Variants in METTL24 observed in about 807,000 individuals in gnomAD.
METTL24 encodes probable methyltransferase-like protein 24.
In METTL24, 29 loss-of-function variants were observed where a neutral mutation model predicts 32.7. The ratio of observed to expected loss-of-function variants is 0.89; its 90% CI spans 0.66 to 1.21. METTL24 has a LOEUF of 1.21. Among genes scored for constraint, METTL24 ranks in the 50% most tolerant of loss-of-function variants. The probability of loss-of-function intolerance (pLI) is 0.00; values close to 1 mark genes in which losing one functional copy is unlikely to be tolerated. For synonymous variants in METTL24, 163 were observed against 179.5 expected (o/e 0.91, Z 0.73); for missense variants, 439 against 468.1 (o/e 0.94, Z 0.57).
At chr6:110,287,295 T>C (rs1771240467) in intron 4 of METTL24, among the ~76,000 whole-genome samples, 1 of 152,206 alleles carries the variant, frequency 6.6e-6, no homozygotes, top group South Asian at 2.1e-4. Context: ...AGATGGCTTG[T>C]CCTTAGGGTC....
At chr6:110,266,111 C>T (rs2114704826) in intron 4 of METTL24, among the ~76,000 whole-genome samples, 1 of 152,096 alleles carries the variant, frequency 6.6e-6, no homozygotes, top group Admixed American at 6.6e-5. Context: ...TATTATATTA[C>T]CCAAGCTGGT....
chr6:110,351,002 G>A (rs1004329672), intron 1 of METTL24, among the ~76,000 whole-genome samples: 3 of 151,964 alleles, frequency 2.0e-5, no homozygotes, highest in African/African-American at 7.3e-5. Context: ...CAGCTACTTG[G>A]GAGGCTGAGG....
intron 4 of METTL24, among the ~76,000 whole-genome samples, chr6:110,262,772 T>A (rs1186720007): frequency 6.6e-6 from 1 of 152,180 alleles, no homozygotes; most frequent in Non-Finnish European, 1.5e-5. Context: ...TTATCCACCA[T>A]GATCAAGTGG....
At chr6:110,331,923 C>T (rs1305566133) in intron 1 of METTL24, among the ~76,000 whole-genome samples, 1 of 152,142 alleles carries the variant, frequency 6.6e-6, no homozygotes, top group Non-Finnish European at 1.5e-5. Flanking sequence ...GCCAGCCCGT[C>T]CCATAGGAGC....
In METTL24 at chr6:110,306,869, G is replaced by A. The variant is rs111476382; in HGVS notation, c.558-7719C>T. Among the ~76,000 whole-genome samples, 704 of 152,262 alleles carry A rather than the reference G, an allele frequency of 4.6e-3. 9 individuals carry two copies. Among genetic ancestry groups the A allele is most frequent in the African/African-American group, 0.016 (685 of 41,544 alleles). ...GCACGTGCTCTCTATATGCCACCTC[G>A]TTGCTGATGAGCACAGGACACAGGA... is the stretch of plus-strand genomic sequence containing the variant. On this transcript the variant is annotated intron_variant, in intron 3 of 4. Transcript: ENST00000338882.
chr6:110,342,955 G>A (rs755197248), intron 1 of METTL24, among the ~76,000 whole-genome samples: 10 of 152,186 alleles, frequency 6.6e-5, no homozygotes, highest in Non-Finnish European at 1.3e-4. Context: ...TTCGTCAGCT[G>A]ATAGACATTT....
In METTL24 at chr6:110,290,320, A is replaced by T. The variant is rs559177143; in HGVS notation, c.786+8602T>A. 2.6e-5 allele frequency among the ~76,000 whole-genome samples: 4 copies of T among 152,356 alleles called. No homozygotes were observed. In the East Asian group the frequency reaches 7.7e-4, roughly 29 times the overall value. On this transcript the variant is annotated intron_variant, in intron 4 of 4. Transcript: ENST00000338882. ...CAAAAAGTTCCTTTGTGATCTTTTC[A>T]ATAAATCTCCAACTCTGCTCCCTCA...
chr6:110,279,453 C>A (rs1199010617), intron 4 of METTL24, among the ~76,000 whole-genome samples: 1 of 152,132 alleles, frequency 6.6e-6, no homozygotes, highest in African/African-American at 2.4e-5. Context: ...GGTACGAACT[C>A]TCTTGAGGGT....
At chr6:110,299,637 T>G (rs955018866) in intron 3 of METTL24, among the ~76,000 whole-genome samples, 6 of 152,192 alleles carry the variant, frequency 3.9e-5, no homozygotes, top group African/African-American at 1.4e-4. Context: ...AAATGTAATA[T>G]ATTTTTAAAT....
intron 1 of METTL24, among the ~76,000 whole-genome samples, chr6:110,324,023 G>A (rs1200336947): frequency 2.6e-5 from 4 of 152,144 alleles, no homozygotes; most frequent in Non-Finnish European, 5.9e-5. Context: ...AGATGCTTTA[G>A]TACAAATGTG....
At chr6:110,300,679 C>T (rs1255410364) in intron 3 of METTL24, among the ~76,000 whole-genome samples, 2 of 151,996 alleles carry the variant, frequency 1.3e-5, no homozygotes, top group East Asian at 3.9e-4. Context: ...CGTTGGCCTC[C>T]CAAAGTACTG....
At chr6:110,260,112 G>A (rs1218111426) in intron 4 of METTL24, among the ~76,000 whole-genome samples, 5 of 152,204 alleles carry the variant, frequency 3.3e-5, no homozygotes, top group Admixed American at 1.3e-4. Flanking sequence ...AAAGCTGGAC[G>A]GAGAATGACT....
intron 3 of METTL24, among the ~76,000 whole-genome samples, chr6:110,304,526 C>A (rs985984237): frequency 1.3e-5 from 2 of 152,042 alleles, no homozygotes; most frequent in African/African-American, 4.8e-5. Context: ...GAACCATACA[C>A]AAATATCAAT....
chr6:110,338,728 C>T (rs900243806), intron 1 of METTL24, among the ~76,000 whole-genome samples: 11 of 152,068 alleles, frequency 7.2e-5, no homozygotes, highest in African/African-American at 2.7e-4. Context: ...AAACTTTAAG[C>T]TAAATCTGTA....
chr6:110,280,675 G>A (rs1035656342), intron 4 of METTL24, among the ~76,000 whole-genome samples: 4 of 150,084 alleles, frequency 2.7e-5, no homozygotes, highest in African/African-American at 9.8e-5. Context: ...TTTTTTTGAG[G>A]CAGGGTCTTG....
chr6:110,352,631 G>C (rs1235659792), intron 1 of METTL24, among the ~76,000 whole-genome samples: 3 of 150,646 alleles, frequency 2.0e-5, no homozygotes, highest in Admixed American at 6.6e-5. Context: ...GACATTAATG[G>C]AGCTCATGTG....
At chr6:110,357,487 A>T (rs1287568806) in intron 1 of METTL24, 1 of 152,338 alleles carries the variant, frequency 6.6e-6, no homozygotes. Context: ...AGATGAAGGC[A>T]GTGGCGTGGA....
intron 4 of METTL24, among the ~76,000 whole-genome samples, chr6:110,283,248 C>T (rs1336509196): frequency 6.6e-6 from 1 of 152,174 alleles, no homozygotes; most frequent in East Asian, 1.9e-4. Context: ...ACATACACTA[C>T]ACTTTCATCT....
chr6:110,261,513 A>C (rs1770730144), intron 4 of METTL24, among the ~76,000 whole-genome samples: 1 of 152,200 alleles, frequency 6.6e-6, no homozygotes, highest in Non-Finnish European at 1.5e-5. Flanking sequence ...ACACAATAAT[A>C]ATGGGAGACT....
Sources: allele counts gnomAD v4.1 joint callset (sites outside exome capture counted in the v4.1 genomes callset), GRCh38; gene constraint gnomAD v4.1.1; transcripts MANE v1.5; gene names NCBI Gene and HGNC (gene_info 2026-07-23, HGNC 2026-07-21).